Variants in TNFAIP8 observed in about 807,000 individuals in gnomAD.
The protein encoded by TNFAIP8 is TNF alpha induced protein 8, also known as tumor necrosis factor alpha-induced protein 8.
Under a neutral mutation model 13.3 loss-of-function variants are expected in TNFAIP8, and 7 were observed. The observed-to-expected ratio is 0.52, with a 90% confidence interval of 0.30 to 0.99. The LOEUF is 0.99. Among genes scored for constraint, TNFAIP8 ranks in the 50% least tolerant of loss-of-function variants. The pLI, the probability that TNFAIP8 is intolerant of heterozygous loss-of-function variation, is 0.07. For synonymous variants in TNFAIP8, 94 were observed against 87.6 expected (o/e 1.07, Z -0.41); for missense variants, 258 against 236.9 (o/e 1.09, Z -0.58).
chr5:119,295,213 CGTTT>C, intron 1 of TNFAIP8, among the ~76,000 whole-genome samples: 1 of 49,122 alleles, frequency 2.0e-5, no homozygotes, highest in Non-Finnish European at 3.7e-5. Context: ...ATAGGTCTAA[CGTTT>C]AGTCTAACGT....
chr5:119,321,676 A>G (rs1750060381), intron 1 of TNFAIP8, among the ~76,000 whole-genome samples: 1 of 151,962 alleles, frequency 6.6e-6, no homozygotes, highest in Non-Finnish European at 1.5e-5. Context: ...CACATCCTAA[A>G]TCTCACTGCT....
At chr5:119,299,110 C>CAAAGTCA (rs1343228681) in intron 1 of TNFAIP8, among the ~76,000 whole-genome samples, 1 of 152,232 alleles carries the variant, frequency 6.6e-6, no homozygotes, top group Admixed American at 6.5e-5. Flanking sequence ...CTCAACTCAT[C>CAAAGTCA]AAAGTCATTC....
chr5:119,314,612 C>T (rs1749830046), intron 1 of TNFAIP8, among the ~76,000 whole-genome samples: 1 of 152,204 alleles, frequency 6.6e-6, no homozygotes, highest in African/African-American at 2.4e-5. Context: ...GAGTTCATAT[C>T]ACTGATTGGG....
In TNFAIP8 at chr5:119,394,691, C is replaced by G. The variant is rs1408517927; in HGVS notation, c.*1310C>G. ...GCATGATTTTGGCTCACTGCAACCT[C>G]TGCCTCCCAGGTTCAAGTGATTCTC... is the stretch of plus-strand genomic sequence containing the variant. On this transcript the variant is annotated 3_prime_UTR_variant, in exon 2 of 2. Coordinates refer to ENST00000504771, the MANE Select transcript of TNFAIP8 (RefSeq NM_014350.4). 1 of 147,740 alleles carries G rather than the reference C, an allele frequency of 6.8e-6. No homozygotes were observed. Among genetic ancestry groups the G allele is most frequent in the Non-Finnish European group, 1.5e-5 (1 of 67,550 alleles). The allele number at this position is 147,740 out of a possible 1,614,324, so 9.2% of individuals were successfully genotyped here.
intron 1 of TNFAIP8, among the ~76,000 whole-genome samples, chr5:119,350,756 G>A (rs1751094191): frequency 6.6e-6 from 1 of 152,080 alleles, no homozygotes; most frequent in South Asian, 2.1e-4. Context: ...GAAGTCACTG[G>A]GCAGACTGAG....
rs191584320 is a variant in TNFAIP8, at chr5:119,333,656, A to G, written c.2-59160A>G. Reference sequence around the variant, plus strand: ...GGTGAGTTAAAACGGCCTTCAGAATATGTTTAGATATAATGTCTTTGTTGA... The same window carrying G: ...GGTGAGTTAAAACGGCCTTCAGAATGTGTTTAGATATAATGTCTTTGTTGA... On this transcript the variant is annotated intron_variant, in intron 1 of 1. Transcript: ENST00000274456. The G allele has an allele frequency of 5.9e-4, 871 of 1,487,136 alleles. 4 individuals are homozygous for G. The African/African-American group carries it at 0.011, about 18-fold the overall frequency. The allele number at this position is 1,487,136 out of a possible 1,614,324, so 92.1% of individuals were successfully genotyped here. A position where few individuals can be genotyped will look rare whatever the true frequency, so the allele number is the denominator to read the frequency against.
intron 1 of TNFAIP8, among the ~76,000 whole-genome samples, chr5:119,275,471 A>C (rs1169642117): frequency 6.6e-6 from 1 of 152,118 alleles, no homozygotes; most frequent in African/African-American, 2.4e-5. Flanking sequence ...GCACGGGCCC[A>C]ACTCAGGACT....
chr5:119,355,996 T>G, upstream of TNFAIP8: 1 of 1,525,278 alleles, frequency 6.6e-7, no homozygotes, highest in Non-Finnish European at 8.9e-7. Context: ...TCCTTTTATT[T>G]TCCGTCGTGT....
At position 119,395,602 on chromosome 5, in the gene TNFAIP8, C is replaced by T. The variant is rs1460948360; in HGVS notation, c.*2221C>T. ...CAGAGGGAAGGCAGTGAGGAGTAGA[C>T]CGAAGGAGGGAATCCTGTTTGCTAC... On this transcript the variant is annotated 3_prime_UTR_variant, in exon 2 of 2. Transcript: ENST00000504771. The T allele has an allele frequency of 6.6e-6, 1 of 152,162 alleles. No homozygotes were observed. The highest frequency in any genetic ancestry group is 1.5e-5 in the Non-Finnish European group (1 of 68,050). 9.4% of individuals were successfully genotyped at this position (152,162 alleles called of 1,614,324 possible).
intron 1 of TNFAIP8, among the ~76,000 whole-genome samples, chr5:119,366,247 C>T (rs904008854): frequency 6.6e-6 from 1 of 151,894 alleles, no homozygotes; most frequent in Non-Finnish European, 1.5e-5. Flanking sequence ...TGGCAGCTTG[C>T]TTATTTTGTT....
At chr5:119,327,684 C>T (rs528483039) in intron 1 of TNFAIP8, among the ~76,000 whole-genome samples, 1 of 152,132 alleles carries the variant, frequency 6.6e-6, no homozygotes, top group African/African-American at 2.4e-5. Context: ...GTCTCGAACT[C>T]CTGACCTCAG....
At chr5:119,322,967 C>T (rs75896579) in intron 1 of TNFAIP8, among the ~76,000 whole-genome samples, 303 of 152,302 alleles carry the variant, frequency 2.0e-3, no homozygotes, top group Middle Eastern at 6.8e-3. Context: ...TCCCCTTAGT[C>T]AATGACCCAG....
At position 119,394,055 on chromosome 5, in the gene TNFAIP8, C is replaced by T. The variant is rs1753003729; in HGVS notation, c.*674C>T. ...TTAAGTACCAATGATACTTAAATTTCTCAGAAATGTAATGGTGTGTCATTG... is the reference window on the plus strand; with the variant it reads ...TTAAGTACCAATGATACTTAAATTTTTCAGAAATGTAATGGTGTGTCATTG... On this transcript the variant is annotated 3_prime_UTR_variant, in exon 2 of 2. Coordinates refer to ENST00000504771, the MANE Select transcript of TNFAIP8 (RefSeq NM_014350.4). 1 of 152,168 alleles carries T rather than the reference C, an allele frequency of 6.6e-6. No individual in the cohort carries two copies. Among genetic ancestry groups the T allele is most frequent in the Non-Finnish European group, 1.5e-5 (1 of 68,036 alleles). 9.4% of individuals were successfully genotyped at this position (152,168 alleles called of 1,614,324 possible).
chr5:119,360,459 G>GTT (rs1219685227), intron 1 of TNFAIP8, among the ~76,000 whole-genome samples: 1 of 152,134 alleles, frequency 6.6e-6, no homozygotes, highest in Non-Finnish European at 1.5e-5. Flanking sequence ...CAAATGATAT[G>GTT]TATATCTTTA....
At chr5:119,375,325 G>T (rs1752239809) in intron 1 of TNFAIP8, among the ~76,000 whole-genome samples, 1 of 152,216 alleles carries the variant, frequency 6.6e-6, no homozygotes, top group Non-Finnish European at 1.5e-5. Context: ...TGATAGAAAT[G>T]GTGAGATGTG....
At chr5:119,379,156 A>G (rs1475283934) in intron 1 of TNFAIP8, among the ~76,000 whole-genome samples, 1 of 152,218 alleles carries the variant, frequency 6.6e-6, no homozygotes, top group Non-Finnish European at 1.5e-5. Context: ...TTAAGCTCTA[A>G]ATAGAAGAAA....
chr5:119,357,512 G>T (rs1428439917), intron 1 of TNFAIP8, among the ~76,000 whole-genome samples: 1 of 152,138 alleles, frequency 6.6e-6, no homozygotes, highest in Non-Finnish European at 1.5e-5. Flanking sequence ...TCTCAGGTGT[G>T]TTTTCCCTGT....
At chr5:119,355,369 C>G (rs1751345507), upstream of TNFAIP8, 2 of 702,302 alleles carry the variant, frequency 2.8e-6, no homozygotes, top group Non-Finnish European at 5.2e-6. Context: ...AGTAAGCAGC[C>G]CCGTCTGCTT....
intron 1 of TNFAIP8, among the ~76,000 whole-genome samples, chr5:119,303,735 C>G (rs983775597): frequency 2.6e-5 from 4 of 152,208 alleles, no homozygotes; most frequent in African/African-American, 9.7e-5. Flanking sequence ...CTCTTCCAAG[C>G]AGGGCCACAC....
Sources: gnomAD v4.1 joint callset for allele counts (sites outside exome capture counted in the v4.1 genomes callset) on GRCh38, gnomAD v4.1.1 for gene constraint, MANE v1.5 for transcripts, NCBI Gene and HGNC (gene_info 2026-07-23, HGNC 2026-07-21) for gene names.